The following NDUFV2 variants were observed in gnomAD, a reference collection of about 807,000 sequenced individuals.
NDUFV2 encodes the protein NADH dehydrogenase [ubiquinone] flavoprotein 2, mitochondrial.
Under a neutral mutation model 31.6 loss-of-function variants are expected in NDUFV2, and 18 were observed. The ratio of observed to expected loss-of-function variants is 0.57; its 90% CI spans 0.39 to 0.84. The LOEUF is 0.84. Among genes scored for constraint, NDUFV2 ranks in the 40% least tolerant of loss-of-function variants. The pLI is 0.00. For missense variants in NDUFV2, 314 were observed against 303.6 expected (o/e 1.03, Z -0.26); for synonymous variants, 83 against 99.8 (o/e 0.83, Z 1.01).
In NDUFV2 at chr18:9,123,721, G is replaced by A. The variant is rs183936912; in HGVS notation, c.469+1040G>A. 1.1e-3 allele frequency among the ~76,000 whole-genome samples: 174 copies of A among 152,110 alleles called. 1 individual carries two copies. Among genetic ancestry groups the A allele is most frequent in the Non-Finnish European group, 1.5e-3 (104 of 67,956 alleles). On this transcript the variant is annotated intron_variant, in intron 5 of 7. Coordinates refer to ENST00000318388, the MANE Select transcript of NDUFV2 (RefSeq NM_021074.5). ...CCAGGCTGGTGGTTGTGAAATCCTG[G>A]CCTCAAGCAATCCTCCTACCTTGGC...
At chr18:9,122,965 C>T (rs1012961292) in intron 5 of NDUFV2, among the ~76,000 whole-genome samples, 1 of 149,870 alleles carries the variant, frequency 6.7e-6, no homozygotes. Flanking sequence ...GATTGTTTCA[C>T]TTAGAAAATT....
intron 2 of NDUFV2, among the ~76,000 whole-genome samples, chr18:9,118,999 A>G (rs1167017592): frequency 1.3e-5 from 2 of 152,006 alleles, no homozygotes; most frequent in Non-Finnish European, 2.9e-5. Flanking sequence ...ATAATTGGTA[A>G]TGTTTTGGTA....
intron 1 of NDUFV2, among the ~76,000 whole-genome samples, chr18:9,108,597 T>G (rs2077853421): frequency 6.6e-6 from 1 of 152,204 alleles, no homozygotes; most frequent in African/African-American, 2.4e-5. Flanking sequence ...CATTTGTATT[T>G]ATGATTATCC....
Position 9,126,906 on chromosome 18 carries a change from A to G in NDUFV2, c.655A>G (p.Arg219Gly). The G allele has an allele frequency of 6.2e-7, 1 of 1,612,572 alleles. No homozygotes were observed. Among genetic ancestry groups the G allele is most frequent in the South Asian group, 1.1e-5 (1 of 91,022 alleles). The part of the protein sequence containing the change: ...KAGKIPKPGP[R>G]SGRFSCEPAG... ...TGGCAAAATCCCAAAACCAGGGCCA[A>G]GGTATGCTTTATTTATATATAGGAA... The change falls in exon 7 of 8, where the codon AGG becomes GGG. Residue 219 changes from arginine (R) to glycine (G), a missense_variant and splice_region_variant. By Grantham distance (125) the Arg-to-Gly change is moderately radical. Transcript: ENST00000318388.
chr18:9,118,740 G>T (rs1349492794), intron 2 of NDUFV2, among the ~76,000 whole-genome samples: 1 of 149,208 alleles, frequency 6.7e-6, no homozygotes, highest in African/African-American at 2.5e-5. Flanking sequence ...AAGAGGGCCT[G>T]CTTCTGCTCT....
intron 1 of NDUFV2, among the ~76,000 whole-genome samples, chr18:9,111,687 C>CT (rs1205556507): frequency 6.6e-6 from 1 of 151,940 alleles, no homozygotes; most frequent in Non-Finnish European, 1.5e-5. Context: ...CCTCAGCCTC[C>CT]TAAAGTGATG....
intron 1 of NDUFV2, among the ~76,000 whole-genome samples, chr18:9,114,669 TC>T (rs931219128): frequency 1.3e-5 from 2 of 152,158 alleles, no homozygotes; most frequent in African/African-American, 4.8e-5. Context: ...AGAATGGTAA[TC>T]TAAACCCAAG....
At chr18:9,125,541 GT>G (rs200335248) in intron 6 of NDUFV2, among the ~76,000 whole-genome samples, 7 of 115,854 alleles carry the variant, frequency 6.0e-5, no homozygotes, top group Admixed American at 8.1e-5. Flanking sequence ...GAGCGTTTCT[GT>G]TTTTTTTTTG....
chr18:9,125,045 A>G (rs1252807854), intron 6 of NDUFV2, 62 bp downstream of exon 6: 2 of 1,527,700 alleles, frequency 1.3e-6, no homozygotes, highest in Non-Finnish European at 8.9e-7. Flanking sequence ...CATTTTAAAT[A>G]TTTGATTTTG....
In NDUFV2 at chr18:9,117,227, G is replaced by A. The variant is rs146728558; in HGVS notation, c.55-611G>A. ...AATTTTTGTGTTCTTAGTAGAGATG[G>A]GGTTTTACCATGTTGGCCAGGATGG... On this transcript the variant is annotated intron_variant, in intron 1 of 7. Coordinates refer to ENST00000318388, the MANE Select transcript of NDUFV2 (RefSeq NM_021074.5). Among the ~76,000 whole-genome samples the A allele has an allele frequency of 3.5e-3, 529 of 152,084 alleles. 4 individuals carry two copies. Among genetic ancestry groups the A allele is most frequent in the Non-Finnish European group, 6.3e-3 (427 of 67,984 alleles).
chr18:9,107,509 G>A (rs1298580560), intron 1 of NDUFV2, among the ~76,000 whole-genome samples: 3 of 152,218 alleles, frequency 2.0e-5, no homozygotes, highest in Non-Finnish European at 2.9e-5. Context: ...TGGTTAGGGG[G>A]AAGGTGGCTT....
chr18:9,105,060 C>T (rs1189901964), intron 1 of NDUFV2: 1 of 1,371,824 alleles, frequency 7.3e-7, no homozygotes, highest in Non-Finnish European at 9.8e-7. Flanking sequence ...TCTATACTGT[C>T]ATTTTAATGC....
intron 2 of NDUFV2, among the ~76,000 whole-genome samples, chr18:9,118,521 G>A (rs2144740547): frequency 6.6e-6 from 1 of 152,116 alleles, no homozygotes; most frequent in Admixed American, 6.5e-5. Context: ...GCATCAAATT[G>A]GCCACATATT....
intron 1 of NDUFV2, chr18:9,103,127 C>G (rs1016164382): frequency 2.5e-6 from 1 of 401,736 alleles, no homozygotes; most frequent in Non-Finnish European, 4.4e-6. Context: ...AGATCAGTTT[C>G]GAAGACCGTC....
intron 4 of NDUFV2, chr18:9,121,583 C>G (rs1358552044): frequency 1.3e-5 from 2 of 152,158 alleles, no homozygotes; most frequent in African/African-American, 4.8e-5. Context: ...GAAATGCCCG[C>G]TCTTCTTTTA....
chr18:9,108,974 G>A (rs1598341777), intron 1 of NDUFV2, among the ~76,000 whole-genome samples: 2 of 152,280 alleles, frequency 1.3e-5, no homozygotes, highest in Admixed American at 6.5e-5. Context: ...ACAGGCATGA[G>A]CCACTGCACC....
chr18:9,126,758 G>A, intron 6 of NDUFV2, 73 bp from the exon 7 acceptor site: 1 of 1,347,214 alleles, frequency 7.4e-7, no homozygotes. Flanking sequence ...AACATAGTGA[G>A]ACCTTGTCTC....
At chr18:9,103,415 G>T (rs1037094930) in intron 1 of NDUFV2, 17 of 326,492 alleles carry the variant, frequency 5.2e-5, no homozygotes, top group Admixed American at 1.5e-4. Flanking sequence ...ATCTTTTTGA[G>T]ATCCAAGTAC....
chr18:9,134,335 A>T lies in NDUFV2; in HGVS notation c.*56A>T, dbSNP rs757514538. On this transcript the variant is annotated 3_prime_UTR_variant, in exon 8 of 8. Coordinates refer to ENST00000318388, the MANE Select transcript of NDUFV2 (RefSeq NM_021074.5). Reference sequence around the variant, plus strand: ...GAAATAAAATATGGACTTCCAATCTACGTAAACTTATTTGTTTATTCTGCT... The same window carrying T: ...GAAATAAAATATGGACTTCCAATCTTCGTAAACTTATTTGTTTATTCTGCT... The T allele has an allele frequency of 7.6e-7, 1 of 1,312,194 alleles. No homozygotes were observed. Among genetic ancestry groups the T allele is most frequent in the African/African-American group, 1.5e-5 (1 of 68,588 alleles). 81.3% of individuals were successfully genotyped at this position (1,312,194 alleles called of 1,614,324 possible). A position where few individuals can be genotyped will look rare whatever the true frequency, so the allele number is the denominator to read the frequency against.
Sources: allele counts gnomAD v4.1 joint callset (sites outside exome capture counted in the v4.1 genomes callset), GRCh38; gene constraint gnomAD v4.1.1; transcripts MANE v1.5; gene names NCBI Gene and HGNC (gene_info 2026-07-23, HGNC 2026-07-21).